COL9A1: variants seen among roughly 807,000 people sequenced by gnomAD.
COL9A1 encodes collagen type IX alpha 1 chain, also known as collagen alpha-1(IX) chain.
In COL9A1, 104 loss-of-function variants were observed where a neutral mutation model predicts 142.6. That is an observed-to-expected ratio of 0.73 (90% CI 0.62 to 0.86). The LOEUF is 0.86. COL9A1 is among the 40% of genes least tolerant of loss of function. COL9A1 has a pLI of 0.00. For missense variants in COL9A1, 1,210 were observed against 1,176.6 expected (o/e 1.03, Z -0.42); for synonymous variants, 466 against 396.0 (o/e 1.18, Z -2.10).
intron 33 of COL9A1, among the ~76,000 whole-genome samples, chr6:70,237,909 C>G (rs538940184): frequency 6.6e-6 from 1 of 152,016 alleles, no homozygotes; most frequent in East Asian, 1.9e-4. Context: ...GAGGATAGAT[C>G]GAAATGCTTA....
chr6:70,280,733 C>G (rs1386379743), intron 10 of COL9A1, 79 bp downstream of exon 10: 1 of 1,377,536 alleles, frequency 7.3e-7, no homozygotes, highest in African/African-American at 1.9e-5. Context: ...CTCTCTCCCT[C>G]CCCCCCCACA....
chr6:70,241,187 G>C (rs546283831), intron 31 of COL9A1, among the ~76,000 whole-genome samples: 32 of 152,280 alleles, frequency 2.1e-4, no homozygotes, highest in Admixed American at 2.0e-3. Context: ...CTCTTCAAAG[G>C]AAAGACAGTG....
In COL9A1 at chr6:70,281,009, G is replaced by A. The variant is rs759319053; in HGVS notation, c.907C>T (p.Pro303Ser). Residue 303 changes from proline to serine, a missense_variant, in exon 9 of 38, where the codon CCC (proline) becomes TCC (serine). Coordinates refer to ENST00000357250, the MANE Select transcript of COL9A1 (RefSeq NM_001851.6). The part of the protein sequence containing the change: ...GDRGPKGPPG[P>S]PGPAGEPGKP... ...ATATGCTCCAATCAACTTACCGGGG[G>A]GCCCGGGGGGCCCTTAGGACCTCGG... is the stretch of plus-strand genomic sequence containing the variant. The A allele has an allele frequency of 6.2e-7, 1 of 1,613,194 alleles. No homozygotes were observed. The highest frequency in any genetic ancestry group is 1.1e-5 in the South Asian group (1 of 91,058).
At chr6:70,269,898 G>A (rs1179431673) in intron 15 of COL9A1, among the ~76,000 whole-genome samples, 2 of 151,882 alleles carry the variant, frequency 1.3e-5, no homozygotes, top group Non-Finnish European at 2.9e-5. Context: ...CGAAATAAGA[G>A]GCAAAATAGA....
Position 70,216,438 on chromosome 6 carries a change from T to G in COL9A1, c.*459A>C. 1.2e-5 allele frequency: 2 copies of G among 170,422 alleles called. No homozygotes were observed. Among genetic ancestry groups the G allele is most frequent in the East Asian group, 1.6e-4 (1 of 6,378 alleles). The allele number at this position is 170,422 out of a possible 1,614,324, so 10.6% of individuals were successfully genotyped here. A position where few individuals can be genotyped will look rare whatever the true frequency, so the allele number is the denominator to read the frequency against. On this transcript the variant is annotated 3_prime_UTR_variant, in exon 38 of 38. Coordinates refer to ENST00000357250, the MANE Select transcript of COL9A1 (RefSeq NM_001851.6). ...ACCAATTCCATTGAATGTAGTGGGG[T>G]TTCTTCATAACTAGTCTAGTAATCC... is the stretch of plus-strand genomic sequence containing the variant.
At position 70,255,470 on chromosome 6, in the gene COL9A1, C is replaced by T. The variant is rs368160802; in HGVS notation, c.1504-80G>A. On this transcript the variant is annotated intron_variant, in intron 21 of 37. Coordinates refer to ENST00000357250, the MANE Select transcript of COL9A1 (RefSeq NM_001851.6). ...TTTAAAAATTAGAAAGTATCATCCA[C>T]GTCACCAAACTATTAGTCTTCCACC... 1.1e-4 allele frequency: 127 copies of T among 1,199,050 alleles called. 2 individuals are homozygous for T. In the South Asian group the frequency reaches 1.3e-3, roughly 12 times the overall value. The allele number at this position is 1,199,050 out of a possible 1,614,324, so 74.3% of individuals were successfully genotyped here. A position where few individuals can be genotyped will look rare whatever the true frequency, so the allele number is the denominator to read the frequency against.
At chr6:70,230,255 C>A (rs1769463707) in intron 36 of COL9A1, among the ~76,000 whole-genome samples, 2 of 152,146 alleles carry the variant, frequency 1.3e-5, no homozygotes, top group African/African-American at 4.8e-5. Context: ...CAAGAAGAAT[C>A]AAATCCAGCT....
chr6:70,283,302 C>T (rs1773294049), intron 6 of COL9A1: 2 of 1,335,404 alleles, frequency 1.5e-6, no homozygotes, highest in African/African-American at 3.0e-5. Flanking sequence ...AACAGTCGCC[C>T]TTAACCCCTT....
chr6:70,239,152 A>T (rs964467222), intron 33 of COL9A1, 102 bp downstream of exon 33: 6 of 852,974 alleles, frequency 7.0e-6, no homozygotes, highest in Non-Finnish European at 1.1e-5. Context: ...AAAAAAAAGA[A>T]TTGAATGTTA....
chr6:70,223,683 A>C (rs116469873), intron 37 of COL9A1, among the ~76,000 whole-genome samples: 1,723 of 152,366 alleles, frequency 0.011, 43 homozygotes, highest in African/African-American at 0.037. Context: ...CACCGCGCCA[A>C]AGCGCAGAAA....
chr6:70,297,911 A>G (rs893903197), intron 4 of COL9A1, among the ~76,000 whole-genome samples: 3 of 152,324 alleles, frequency 2.0e-5, no homozygotes, highest in African/African-American at 7.2e-5. Flanking sequence ...GAAAAGATAA[A>G]TAAGGATAAA....
chr6:70,291,210 G>A (rs1341124476), intron 5 of COL9A1, among the ~76,000 whole-genome samples: 1 of 152,118 alleles, frequency 6.6e-6, no homozygotes, highest in Non-Finnish European at 1.5e-5. Flanking sequence ...ACTACCTTCA[G>A]TTTTCAAAAA....
Position 70,217,681 on chromosome 6 carries a change from T to C in COL9A1, c.2582-600A>G, listed in dbSNP as rs534467225. Among the ~76,000 whole-genome samples the C allele has an allele frequency of 7.2e-5, 11 of 152,284 alleles. No homozygotes were observed. The East Asian group carries it at 9.6e-4, about 13-fold the overall frequency. On this transcript the variant is annotated intron_variant, in intron 37 of 37. Coordinates refer to ENST00000357250, the MANE Select transcript of COL9A1 (RefSeq NM_001851.6). ...TAGCAGTATTCCTTACTTCTAAGAG[T>C]TGAGCAACATCCGGGCAGGGAGAAG...
At chr6:70,262,665 A>G (rs1248154874) in intron 19 of COL9A1, among the ~76,000 whole-genome samples, 1 of 152,258 alleles carries the variant, frequency 6.6e-6, no homozygotes, top group Non-Finnish European at 1.5e-5. Context: ...GTAATACAAA[A>G]TAAGGCAAAT....
Position 70,302,002 on chromosome 6 carries a change from G to A in COL9A1, c.87C>T (p.Pro29=). 2 of 1,609,040 alleles carry A rather than the reference G, an allele frequency of 1.2e-6. No individual in the cohort carries two copies. The highest frequency in any genetic ancestry group is 1.7e-6 in the Non-Finnish European group (2 of 1,177,484). The part of the protein sequence containing the change: ...PWASAAVKRR[P]RFPVNSNSNG... ...AAGTCTAGAAACTATGGCCCTTACT[G>A]GGGCGACGCTTGACAGCTGCAGATG... The change falls in exon 2 of 38, where the codon CCC becomes CCT. Residue 29 remains proline, a splice_region_variant and synonymous_variant. Transcript: ENST00000357250.
In COL9A1 at chr6:70,255,168, A is replaced by C. The variant is rs1012675549; in HGVS notation, c.1593T>G (p.Pro531=). The C allele has an allele frequency of 5.6e-6, 9 of 1,614,082 alleles. No individual in the cohort carries two copies. The African/African-American group carries it at 1.2e-4, about 22-fold the overall frequency. Residue 531 remains proline, a synonymous_variant, in exon 23 of 38, where the codon CCT becomes CCG. Coordinates refer to ENST00000357250, the MANE Select transcript of COL9A1 (RefSeq NM_001851.6). ...AEGARGIPGL[P]GPKGDTGLPG... is the part of the protein sequence containing the mutation. The stretch of plus-strand genomic sequence containing the variant: ...GACATACCGTGTCTCCTTTGGGCCC[A>C]GGGAGACCAGGAATTCCTCTAGCAC...
chr6:70,217,897 T>C (rs1217187349), intron 37 of COL9A1, among the ~76,000 whole-genome samples: 1 of 152,146 alleles, frequency 6.6e-6, no homozygotes, highest in African/African-American at 2.4e-5. Context: ...TCCCAGCACT[T>C]TGGGAAGCCA....
chr6:70,274,604 G>A, intron 11 of COL9A1, 115 bp downstream of exon 11: 1 of 839,960 alleles, frequency 1.2e-6, no homozygotes. Flanking sequence ...AATTTTAGTT[G>A]AACGAGTGCA....
chr6:70,279,806 A>G (rs1773020222), intron 10 of COL9A1: 6 of 461,536 alleles, frequency 1.3e-5, no homozygotes, highest in Admixed American at 1.0e-4. Context: ...AAAATGAAGG[A>G]TATGTCTTAA....
Sources: allele counts gnomAD v4.1 joint callset (sites outside exome capture counted in the v4.1 genomes callset), GRCh38; gene constraint gnomAD v4.1.1; transcripts MANE v1.5; gene names NCBI Gene and HGNC (gene_info 2026-07-23, HGNC 2026-07-21).